Variants in CFAP58 observed in about 807,000 individuals in gnomAD.
CFAP58 encodes the protein cilia and flagella associated protein 58.
CFAP58 carries 88 observed loss-of-function variants against 119.5 expected under a neutral mutation model. The observed-to-expected ratio is 0.74, with a 90% CI of 0.62 to 0.88. The LOEUF is 0.88. Among genes scored for constraint, CFAP58 ranks in the 40% least tolerant of loss-of-function variants. The pLI is 0.00. For missense variants in CFAP58, 990 were observed against 1,021.2 expected (o/e 0.97, Z 0.42); for synonymous variants, 365 against 366.3 (o/e 1.00, Z 0.04).
intron 15 of CFAP58, among the ~76,000 whole-genome samples, chr10:104,426,180 A>T (rs2012741919): frequency 1.3e-5 from 2 of 152,326 alleles, no homozygotes; most frequent in South Asian, 4.2e-4. Flanking sequence ...TCGAGGCTGC[A>T]GTGAGCTGTG....
intron 12 of CFAP58, 115 bp from the exon 13 acceptor site, chr10:104,400,565 T>G: frequency 1.2e-6 from 1 of 815,442 alleles, no homozygotes; most frequent in Non-Finnish European, 2.1e-6. Context: ...CCAGCCCATG[T>G]GGTGCCCAGT....
chr10:104,427,246 G>GA, intron 15 of CFAP58, among the ~76,000 whole-genome samples: 1 of 152,124 alleles, frequency 6.6e-6, no homozygotes, highest in South Asian at 2.1e-4. Context: ...CTATTCATCT[G>GA]AAAAAAGGTG....
intron 11 of CFAP58, among the ~76,000 whole-genome samples, chr10:104,397,858 T>C (rs1315693689): frequency 6.6e-6 from 1 of 152,220 alleles, no homozygotes; most frequent in East Asian, 1.9e-4. Context: ...GTAACGTATG[T>C]AACTTTGGTT....
intron 15 of CFAP58, among the ~76,000 whole-genome samples, chr10:104,431,757 GC>G (rs2012851236): frequency 2.6e-5 from 4 of 152,130 alleles, no homozygotes; most frequent in South Asian, 4.1e-4. Context: ...ATATTTTTGT[GC>G]TTTTACTGCA....
rs374755745 is a variant in CFAP58 at position 104,375,872 on chromosome 10, T to C, written c.1091-939T>C. Reference sequence around the variant, plus strand: ...AGTTTATCTGAAGACCTGGGATCAATAGAAAGGAAATGCTCAGGTTTAGAT... The same window carrying C: ...AGTTTATCTGAAGACCTGGGATCAACAGAAAGGAAATGCTCAGGTTTAGAT... On this transcript the variant is annotated intron_variant, in intron 7 of 17. Coordinates refer to ENST00000369704, the MANE Select transcript of CFAP58 (RefSeq NM_001008723.2). Among the ~76,000 whole-genome samples, 4 of 152,186 alleles carry C rather than the reference T, an allele frequency of 2.6e-5. No homozygotes were observed. The East Asian group carries it at 5.8e-4, about 22-fold the overall frequency.
intron 9 of CFAP58, 36 bp downstream of exon 9, chr10:104,380,256 G>T (rs2011758490): frequency 1.3e-6 from 2 of 1,550,312 alleles, no homozygotes; most frequent in African/African-American, 2.7e-5. Context: ...TGGAGCAGAG[G>T]CACATTCCTT....
At chr10:104,353,610 C>A (rs111271960), upstream of CFAP58, 9 of 454,296 alleles carry the variant, frequency 2.0e-5, no homozygotes, top group African/African-American at 1.6e-4. Flanking sequence ...CTCAGGGGCA[C>A]CGCCCCCTCA....
intron 1 of CFAP58, among the ~76,000 whole-genome samples, chr10:104,357,862 TATATAC>T (rs2014577135): frequency 8.1e-6 from 1 of 124,074 alleles, no homozygotes; most frequent in South Asian, 2.5e-4. Context: ...TATATACACA[TATATAC>T]ACATATATGT....
At chr10:104,387,428 A>C (rs1282477296) in intron 9 of CFAP58, among the ~76,000 whole-genome samples, 1 of 152,182 alleles carries the variant, frequency 6.6e-6, no homozygotes, top group Non-Finnish European at 1.5e-5. Flanking sequence ...CTTGTCTGAT[A>C]TTCTGACCTC....
intron 15 of CFAP58, among the ~76,000 whole-genome samples, chr10:104,411,821 C>T (rs2012466092): frequency 6.6e-6 from 1 of 151,834 alleles, no homozygotes; most frequent in Non-Finnish European, 1.5e-5. Context: ...TGTGGTCTTC[C>T]TGTCCCAGTG....
intron 1 of CFAP58, among the ~76,000 whole-genome samples, chr10:104,354,962 T>C (rs2014523735): frequency 6.6e-6 from 1 of 151,946 alleles, no homozygotes; most frequent in South Asian, 2.1e-4. Context: ...CCCCTCATCA[T>C]TGCTTTTCCT....
intron 15 of CFAP58, among the ~76,000 whole-genome samples, chr10:104,413,012 AT>A (rs1331525791): frequency 1.3e-5 from 2 of 152,200 alleles, no homozygotes; most frequent in Non-Finnish European, 1.5e-5. Context: ...AATAGTTGTA[AT>A]TAATATGTAA....
chr10:104,343,839 G>A, the CFAP58 span, among the ~76,000 whole-genome samples: 2 of 152,088 alleles, frequency 1.3e-5, no homozygotes, highest in Non-Finnish European at 2.9e-5. Flanking sequence ...ACCTCCCAGG[G>A]TCAATCAATT....
chr10:104,362,277 C>T, intron 3 of CFAP58, 106 bp downstream of exon 3: 1 of 930,668 alleles, frequency 1.1e-6, no homozygotes, highest in Non-Finnish European at 1.6e-6. Context: ...GTCTGTGATA[C>T]AAGACTCTTC....
At chr10:104,434,421 G>T (rs1288779699) in intron 15 of CFAP58, among the ~76,000 whole-genome samples, 1 of 152,200 alleles carries the variant, frequency 6.6e-6, no homozygotes, top group East Asian at 1.9e-4. Context: ...TGAGCATAGT[G>T]TAGGAGGCCT....
chr10:104,401,812 A>G (rs1017638183), intron 13 of CFAP58, among the ~76,000 whole-genome samples: 5 of 151,890 alleles, frequency 3.3e-5, no homozygotes, highest in African/African-American at 1.2e-4. Flanking sequence ...AGCAGTACAA[A>G]TTCATTGTAG....
intron 15 of CFAP58, among the ~76,000 whole-genome samples, chr10:104,434,907 C>T (rs2012908235): frequency 6.6e-6 from 1 of 152,220 alleles, no homozygotes; most frequent in African/African-American, 2.4e-5. Flanking sequence ...CTACACAGCT[C>T]TAGGACTTGT....
upstream of CFAP58, among the ~76,000 whole-genome samples, chr10:104,349,261 C>CCAAAACAAAACAAAACAAAA (rs200006936): frequency 3.0e-4 from 45 of 151,980 alleles, no homozygotes; most frequent in African/African-American, 1.0e-3. Flanking sequence ...CGCCTCCACA[C>CCAAAACAAAACAAAACAAAA]CAAAACAAAA....
At chr10:104,413,483 C>A (rs1248228464) in intron 15 of CFAP58, among the ~76,000 whole-genome samples, 2 of 152,162 alleles carry the variant, frequency 1.3e-5, no homozygotes, top group African/African-American at 2.4e-5. Flanking sequence ...GATTTCTTTT[C>A]TTCTGCTCAC....
Sources: gnomAD v4.1 joint callset for allele counts (sites outside exome capture counted in the v4.1 genomes callset) on GRCh38, gnomAD v4.1.1 for gene constraint, MANE v1.5 for transcripts, NCBI Gene and HGNC (gene_info 2026-07-23, HGNC 2026-07-21) for gene names.